LPIN1: variants seen among roughly 807,000 people sequenced by gnomAD.
LPIN1 encodes phosphatidate phosphatase LPIN1.
In LPIN1, 71 loss-of-function variants were observed where a neutral mutation model predicts 107.5. The observed-to-expected ratio is 0.66, with a 90% CI of 0.55 to 0.80. The LOEUF (loss-of-function observed/expected upper bound fraction) is 0.80, where lower values mean the gene tolerates loss of function less well. LPIN1 is among the 30% of genes least tolerant of loss of function. The pLI, the probability that LPIN1 is intolerant of heterozygous loss-of-function variation, is 0.00. For missense variants in LPIN1, 1,043 were observed against 1,160.6 expected, an observed-to-expected ratio of 0.90 and a Z score of 1.47; for synonymous variants, 445 against 452.6, an observed-to-expected ratio of 0.98 and a Z score of 0.21.
intron 18 of LPIN1, among the ~76,000 whole-genome samples, chr2:11,815,770 G>A (rs895114771): frequency 7.2e-5 from 11 of 152,024 alleles, no homozygotes; most frequent in Non-Finnish European, 1.6e-4. Context: ...TGGGAACACT[G>A]TTCATTTTAC....
chr2:11,824,750 C>T lies in LPIN1; in HGVS notation c.2740C>T (p.Pro914Ser), dbSNP rs1374826375. The change falls in exon 21 of 21, where the codon CCA (proline) becomes TCA (serine). Residue 914 changes from proline (P) to serine (S), a missense_variant. Transcript: ENST00000674199. Reference protein sequence around the residue: ...SNFTFWREPLPPFENQDIHSA... With the variant: ...SNFTFWREPLSPFENQDIHSA... ...CTTCACCTTTTGGAGAGAGCCACTG[C>T]CACCTTTTGAAAACCAGGACATTCA... 1 of 1,614,206 alleles carries T rather than the reference C, an allele frequency of 6.2e-7. No individual in the cohort carries two copies. The highest frequency in any genetic ancestry group is 1.3e-5 in the African/African-American group (1 of 75,054).
intron 1 of LPIN1, among the ~76,000 whole-genome samples, chr2:11,678,514 A>G (rs1373073216): frequency 6.6e-6 from 1 of 152,164 alleles, no homozygotes; most frequent in Non-Finnish European, 1.5e-5. Context: ...CTGAGATGGC[A>G]GTGAGAGAGG....
At chr2:11,724,997 T>C (rs753745075) in intron 1 of LPIN1, among the ~76,000 whole-genome samples, 67 of 152,294 alleles carry the variant, frequency 4.4e-4, no homozygotes, top group Non-Finnish European at 7.2e-4. Context: ...GCGCGGTGGC[T>C]CACACCTGTA....
intron 1 of LPIN1, among the ~76,000 whole-genome samples, chr2:11,698,887 A>G (rs1466283417): frequency 2.0e-5 from 3 of 152,260 alleles, no homozygotes; most frequent in African/African-American, 7.2e-5. Flanking sequence ...CCCTGCCTGT[A>G]GAACTTGTGC....
intron 12 of LPIN1, among the ~76,000 whole-genome samples, chr2:11,789,574 G>T (rs1023189179): frequency 6.6e-6 from 1 of 152,000 alleles, no homozygotes; most frequent in African/African-American, 2.4e-5. Context: ...GTGTGTGTGT[G>T]CGTGTGTGTG....
chr2:11,693,024 A>C (rs1662349167), intron 1 of LPIN1, among the ~76,000 whole-genome samples: 1 of 152,078 alleles, frequency 6.6e-6, no homozygotes, highest in Non-Finnish European at 1.5e-5. Context: ...GGCTTTCTCT[A>C]GACTTGGGCC....
At chr2:11,747,525 A>C (rs1271353551) in intron 1 of LPIN1, among the ~76,000 whole-genome samples, 1 of 152,190 alleles carries the variant, frequency 6.6e-6, no homozygotes, top group Admixed American at 6.5e-5. Flanking sequence ...ATGTTTTAGA[A>C]CCCGGCAGTT....
At position 11,771,760 on chromosome 2, in the gene LPIN1, C is replaced by G; in HGVS notation, c.596+81C>G. The G allele has an allele frequency of 7.2e-7, 1 of 1,391,342 alleles. No homozygotes were observed. Among genetic ancestry groups the G allele is most frequent in the Non-Finnish European group, 9.9e-7 (1 of 1,015,198 alleles). The allele number at this position is 1,391,342 out of a possible 1,614,324, so 86.2% of individuals were successfully genotyped here. On this transcript the variant is annotated intron_variant, in intron 4 of 20. Coordinates refer to ENST00000674199, the MANE Select transcript of LPIN1 (RefSeq NM_001349206.2). The surrounding 1 kb of genome is among the most constrained non-coding windows in gnomAD (Gnocchi z 4.8). ...AGATTATTTTTATGAACTTTTCCCCCATAATTCCTTATTCTTTTATGTGTT... is the reference window on the plus strand; with the variant it reads ...AGATTATTTTTATGAACTTTTCCCCGATAATTCCTTATTCTTTTATGTGTT...
intron 1 of LPIN1, among the ~76,000 whole-genome samples, chr2:11,732,615 A>T (rs1665349595): frequency 6.6e-6 from 1 of 152,234 alleles, no homozygotes; most frequent in Non-Finnish European, 1.5e-5. Context: ...CAATTAATAA[A>T]TGTAAGCTCC....
intron 1 of LPIN1, among the ~76,000 whole-genome samples, chr2:11,702,341 G>T (rs890854474): frequency 5.3e-5 from 8 of 152,192 alleles, no homozygotes; most frequent in Non-Finnish European, 1.2e-4. Flanking sequence ...CCCAGGCCCT[G>T]GGGTGAACAG....
chr2:11,823,402 T>C (rs1446063439), intron 20 of LPIN1, among the ~76,000 whole-genome samples: 1 of 152,204 alleles, frequency 6.6e-6, no homozygotes, highest in Admixed American at 6.5e-5. Flanking sequence ...ATCTGTCTGT[T>C]TGTTTGAATC....
intron 1 of LPIN1, among the ~76,000 whole-genome samples, chr2:11,684,110 C>T (rs1043735485): frequency 4.6e-5 from 7 of 152,326 alleles, no homozygotes; most frequent in Admixed American, 2.6e-4. Context: ...GCAGGTATCA[C>T]GCTGTCTCTT....
intron 17 of LPIN1, among the ~76,000 whole-genome samples, chr2:11,812,861 C>T (rs555735708): frequency 9.2e-5 from 14 of 152,256 alleles, no homozygotes; most frequent in African/African-American, 2.2e-4. Context: ...GTCGCAGCAA[C>T]GGAGGCCAGG....
chr2:11,825,171 G>T lies in LPIN1; in HGVS notation c.*380G>T. 3.4e-6 allele frequency: 1 copy of T among 294,906 alleles called. No homozygotes were observed. Among genetic ancestry groups the T allele is most frequent in the Admixed American group, 4.7e-5 (1 of 21,238 alleles). 18.3% of individuals were successfully genotyped at this position (294,906 alleles called of 1,614,324 possible). A position where few individuals can be genotyped will look rare whatever the true frequency, so the allele number is the denominator to read the frequency against. ...TGAGGGCTGTCCCCGCCTAGGACAG[G>T]GTCAATCGAGGAATGCCAGATGTGC... On this transcript the variant is annotated 3_prime_UTR_variant, in exon 21 of 21. Transcript: ENST00000674199. The surrounding 1 kb of genome is among the most constrained non-coding windows in gnomAD (Gnocchi z 4.1).
chr2:11,778,119 G>A lies in LPIN1; in HGVS notation c.831-1400G>A, dbSNP rs537208011. 7.8e-5 allele frequency among the ~76,000 whole-genome samples: 11 copies of A among 140,866 alleles called. 1 individual carries two copies. Among genetic ancestry groups the A allele is most frequent in the Admixed American group, 7.8e-4 (11 of 14,184 alleles). The allele number at this position is 140,866 out of a possible 152,430, so 92.4% of individuals were successfully genotyped here. A position where few individuals can be genotyped will look rare whatever the true frequency, so the allele number is the denominator to read the frequency against. ...GAGCAAGGAGGTTGAAAGGCCAGGA[G>A]CCTTTCCCACATGGACGTGGGGGGG... On this transcript the variant is annotated intron_variant, in intron 6 of 20. Transcript: ENST00000674199.
intron 1 of LPIN1, among the ~76,000 whole-genome samples, chr2:11,702,255 A>T (rs566209012): frequency 6.6e-6 from 1 of 152,342 alleles, no homozygotes; most frequent in Non-Finnish European, 1.5e-5. Context: ...GAGGCAGGGT[A>T]AACGGGCTTA....
chr2:11,782,493 C>T lies in LPIN1; in HGVS notation c.1250C>T (p.Pro417Leu). 1 of 1,614,130 alleles carries T rather than the reference C, an allele frequency of 6.2e-7. No homozygotes were observed. Among genetic ancestry groups the T allele is most frequent in the Middle Eastern group, 1.7e-4 (1 of 6,050 alleles). Residue 417 changes from proline (P) to leucine (L), a missense_variant, in exon 8 of 21, where the codon CCT becomes CTT. Coordinates refer to ENST00000674199, the MANE Select transcript of LPIN1 (RefSeq NM_001349206.2). Reference sequence around the variant, plus strand: ...CAGACAGCAAACAAGACGGATTCTCCTTCCAGGAAAAGAGGTACCAAGGCT... The same window carrying T: ...CAGACAGCAAACAAGACGGATTCTCTTTCCAGGAAAAGAGGTACCAAGGCT... Reference protein sequence around the residue: ...VVQTANKTDSPSRKRDKRSRH... With the variant: ...VVQTANKTDSLSRKRDKRSRH...
chr2:11,687,849 G>T (rs1226744261), intron 1 of LPIN1, among the ~76,000 whole-genome samples: 1 of 152,252 alleles, frequency 6.6e-6, no homozygotes, highest in African/African-American at 2.4e-5. Context: ...ATGAGGCCAT[G>T]GCAGGGCCGC....
In LPIN1 at chr2:11,826,602, T is replaced by C. The variant is rs766024511; in HGVS notation, c.*1811T>C. On this transcript the variant is annotated 3_prime_UTR_variant, in exon 21 of 21. Coordinates refer to ENST00000674199, the MANE Select transcript of LPIN1 (RefSeq NM_001349206.2). The stretch of plus-strand genomic sequence containing the variant: ...AACCTAAAGAGGCTATATTCATTCT[T>C]TATGCAATGAGGGTATTTTTGAGTG... The C allele has an allele frequency of 6.6e-6, 1 of 152,082 alleles. No homozygotes were observed. The highest frequency in any genetic ancestry group is 2.4e-5 in the African/African-American group (1 of 41,378). The allele number at this position is 152,082 out of a possible 1,614,324, so 9.4% of individuals were successfully genotyped here.
Sources: gnomAD v4.1 joint callset for allele counts (sites outside exome capture counted in the v4.1 genomes callset) on GRCh38, gnomAD v4.1.1 for gene constraint, Gnocchi (gnomAD v3.1) non-coding constraint, MANE v1.5 for transcripts, NCBI Gene and HGNC (gene_info 2026-07-23, HGNC 2026-07-21) for gene names.